The following LEPROTL1 variants were observed in gnomAD, a reference collection of about 807,000 sequenced individuals.
The protein encoded by LEPROTL1 is leptin receptor overlapping transcript-like 1.
Under a neutral mutation model 15.4 loss-of-function variants are expected in LEPROTL1, and 6 were observed. That is an observed-to-expected ratio of 0.39 (90% confidence interval 0.21 to 0.77). The LOEUF (loss-of-function observed/expected upper bound fraction) is 0.77, where lower values mean the gene tolerates loss of function less well. Among genes scored for constraint, LEPROTL1 ranks in the 30% least tolerant of loss-of-function variants. The pLI, the probability that LEPROTL1 is intolerant of heterozygous loss-of-function variation, is 0.41. For synonymous variants in LEPROTL1, 56 were observed against 52.6 expected (o/e 1.06, Z -0.28); for missense variants, 128 against 158.1 (o/e 0.81, Z 1.02).
At chr8:30,112,371 A>G (rs1443335105), downstream of LEPROTL1, among the ~76,000 whole-genome samples, 1 of 128,346 alleles carries the variant, frequency 7.8e-6, no homozygotes, top group Non-Finnish European at 1.6e-5. Flanking sequence ...GAGTAGCTGG[A>G]TCACAGGTGT....
At chr8:30,130,933 C>T (rs950509794) in intron 3 of LEPROTL1, among the ~76,000 whole-genome samples, 1 of 151,878 alleles carries the variant, frequency 6.6e-6, no homozygotes, top group African/African-American at 2.4e-5. Context: ...GCGCCCACCA[C>T]CACGCCCGGC....
At chr8:30,125,336 G>A (rs979283023) in intron 3 of LEPROTL1, among the ~76,000 whole-genome samples, 2 of 152,202 alleles carry the variant, frequency 1.3e-5, no homozygotes, top group Non-Finnish European at 2.9e-5. Context: ...AGTCAGAGAA[G>A]TTAACAGTGT....
At chr8:30,124,202 T>A (rs1166123002) in intron 3 of LEPROTL1, among the ~76,000 whole-genome samples, 1 of 152,154 alleles carries the variant, frequency 6.6e-6, no homozygotes, top group Non-Finnish European at 1.5e-5. Context: ...GAAGAGGGGA[T>A]GGGTCACTGG....
At chr8:30,112,662 C>G (rs1802672958), downstream of LEPROTL1, among the ~76,000 whole-genome samples, 1 of 151,876 alleles carries the variant, frequency 6.6e-6, no homozygotes, top group Non-Finnish European at 1.5e-5. Flanking sequence ...CAACTTCTAG[C>G]TCTTCTTGAT....
intron 3 of LEPROTL1, among the ~76,000 whole-genome samples, chr8:30,113,775 C>G (rs180855683): frequency 6.6e-6 from 1 of 152,280 alleles, no homozygotes; most frequent in Non-Finnish European, 1.5e-5. Context: ...TAGTGAGACC[C>G]TCAAGCAGTC....
At chr8:30,099,547 A>C (rs904003385) in intron 1 of LEPROTL1, among the ~76,000 whole-genome samples, 6 of 141,528 alleles carry the variant, frequency 4.2e-5, no homozygotes, top group Admixed American at 7.6e-5. Context: ...GGTTGCAGTG[A>C]GTCAAGATCG....
intron 3 of LEPROTL1, among the ~76,000 whole-genome samples, chr8:30,125,323 AAG>A (rs1157191044): frequency 3.9e-5 from 6 of 152,226 alleles, no homozygotes; most frequent in Non-Finnish European, 8.8e-5. Context: ...TCAGAAAAGA[AAG>A]AGTCAGAGAA....
chr8:30,131,882 C>A, intron 3 of LEPROTL1: 1 of 1,478,858 alleles, frequency 6.8e-7, no homozygotes. Context: ...ATTATCGATG[C>A]GTCATCTGGC....
Position 30,101,990 on chromosome 8 carries a change from T to C in LEPROTL1, c.92+17T>C, listed in dbSNP as rs1460132745. The C allele has an allele frequency of 1.3e-6, 2 of 1,529,126 alleles. No individual in the cohort carries two copies. The highest frequency in any genetic ancestry group is 2.8e-5 in the African/African-American group (2 of 72,254). The allele number at this position is 1,529,126 out of a possible 1,614,324, so 94.7% of individuals were successfully genotyped here. ...AATATACAAGTATGTAAAATGTTTG[T>C]CTTTCTGAATATTTAAGGGTAAAAT... On this transcript the variant is annotated intron_variant, in intron 2 of 3. Transcript: ENST00000321250.
Position 30,100,123 on chromosome 8 carries a change from C to T in LEPROTL1, c.17-1775C>T, listed in dbSNP as rs934372219. ...GGTATTCAGGACTAAGTGATGTGTT[C>T]GGGGTTGCCATGACCTGCATCAGCG... is the stretch of plus-strand genomic sequence containing the variant. On this transcript the variant is annotated intron_variant, in intron 1 of 3. Transcript: ENST00000321250. 2.0e-4 allele frequency among the ~76,000 whole-genome samples: 31 copies of T among 152,132 alleles called. No individual in the cohort carries two copies. In the East Asian group the frequency reaches 2.3e-3, roughly 11 times the overall value.
chr8:30,124,788 T>C (rs1366110280), intron 3 of LEPROTL1, among the ~76,000 whole-genome samples: 1 of 152,206 alleles, frequency 6.6e-6, no homozygotes, highest in African/African-American at 2.4e-5. Context: ...TTACCTTTGC[T>C]CTTCTCTTCA....
intron 2 of LEPROTL1, among the ~76,000 whole-genome samples, chr8:30,102,718 T>G (rs760081873): frequency 3.3e-4 from 50 of 151,878 alleles, no homozygotes; most frequent in Non-Finnish European, 5.4e-4. Context: ...ATTTTAACAT[T>G]TAGATAAATT....
At chr8:30,110,518 G>T (rs942519368), downstream of LEPROTL1, among the ~76,000 whole-genome samples, 27 of 152,070 alleles carry the variant, frequency 1.8e-4, no homozygotes, top group African/African-American at 6.0e-4. Context: ...CGGATCACTT[G>T]AGGTCAAAAG....
chr8:30,116,647 G>A (rs746649530), intron 3 of LEPROTL1, among the ~76,000 whole-genome samples: 5 of 152,276 alleles, frequency 3.3e-5, no homozygotes, highest in Admixed American at 1.3e-4. Context: ...TGTGGGGCTC[G>A]GGGGTTGGGG....
At chr8:30,112,936 G>T (rs541188074), downstream of LEPROTL1, among the ~76,000 whole-genome samples, 3 of 151,968 alleles carry the variant, frequency 2.0e-5, no homozygotes, top group South Asian at 6.2e-4. Context: ...TAAGCATATT[G>T]ATCCTCCCTA....
At chr8:30,104,262 A>T in intron 2 of LEPROTL1, 38 bp from the exon 3 acceptor site, 1 of 1,282,052 alleles carries the variant, frequency 7.8e-7, no homozygotes, top group Non-Finnish European at 1.1e-6. Context: ...GGAAAATGAC[A>T]TAGCAAAAAT....
chr8:30,107,237 T>TA lies in LEPROTL1; in HGVS notation c.*1376dup, dbSNP rs1309509666. 1.2e-5 allele frequency: 12 copies of TA among 985,352 alleles called. No individual in the cohort carries two copies. The highest frequency in any genetic ancestry group is 1.4e-5 in the Non-Finnish European group (12 of 829,948). 61.0% of individuals were successfully genotyped at this position (985,352 alleles called of 1,614,324 possible). A position where few individuals can be genotyped will look rare whatever the true frequency, so the allele number is the denominator to read the frequency against. ...CAGCTATATAGCAGCTTCAGAAACA[T>TA]ACCTGACCAAAAAATTCCCAGTAAC... On this transcript the variant is annotated 3_prime_UTR_variant, in exon 4 of 4. Coordinates refer to ENST00000321250, the MANE Select transcript of LEPROTL1 (RefSeq NM_015344.3).
At chr8:30,109,480 A>G (rs1344637325), downstream of LEPROTL1, among the ~76,000 whole-genome samples, 2 of 152,218 alleles carry the variant, frequency 1.3e-5, no homozygotes, top group African/African-American at 4.8e-5. Context: ...AATGGATTGT[A>G]CACATGTGCT....
At chr8:30,101,440 G>C (rs1802464820) in intron 1 of LEPROTL1, among the ~76,000 whole-genome samples, 1 of 152,130 alleles carries the variant, frequency 6.6e-6, no homozygotes. Flanking sequence ...GGCCAAGGCA[G>C]GTGGATCACC....
Sources: allele counts gnomAD v4.1 joint callset (sites outside exome capture counted in the v4.1 genomes callset), GRCh38; gene constraint gnomAD v4.1.1; transcripts MANE v1.5; gene names NCBI Gene and HGNC (gene_info 2026-07-23, HGNC 2026-07-21).